RAMP3: variants seen among roughly 807,000 people sequenced by gnomAD.
RAMP3 encodes the protein receptor activity-modifying protein 3.
RAMP3 carries 14 observed loss-of-function variants against 13.5 expected under a neutral mutation model. That is an observed-to-expected ratio of 1.04 (90% CI 0.69 to 1.63). The LOEUF (loss-of-function observed/expected upper bound fraction) is 1.63. Ranked by LOEUF, RAMP3 falls within the 40% of genes most tolerant of loss-of-function variation. The pLI, the probability that RAMP3 is intolerant of heterozygous loss-of-function variation, is 0.00. For missense variants in RAMP3, 200 were observed against 204.8 expected, an observed-to-expected ratio of 0.98 and a Z score of 0.14; for synonymous variants, 106 against 88.3, an observed-to-expected ratio of 1.20 and a Z score of -1.12.
Position 45,177,367 on chromosome 7 carries a change from G to A in RAMP3, c.117G>A (p.Leu39=), listed in dbSNP as rs373191529. ...CAGGCATGTTGGAGAGGCTGCCCCT[G>A]TGTGGGAAGGCTTTCGCAGACATGA... ...NETGMLERLP[L]CGKAFADMMG... The change falls in exon 2 of 3, where the codon CTG becomes CTA. Residue 39 remains leucine (L), a synonymous_variant. Coordinates refer to ENST00000242249, the MANE Select transcript of RAMP3 (RefSeq NM_005856.3). The A allele has an allele frequency of 1.9e-6, 3 of 1,614,162 alleles. No homozygotes were observed. Among genetic ancestry groups the A allele is most frequent in the African/African-American group, 2.7e-5 (2 of 75,060 alleles).
At chr7:45,166,468 A>C (rs1223129986) in intron 1 of RAMP3, among the ~76,000 whole-genome samples, 3 of 152,194 alleles carry the variant, frequency 2.0e-5, no homozygotes, top group Non-Finnish European at 4.4e-5. Flanking sequence ...TTTTGTAGAA[A>C]TGACTATTCA....
At chr7:45,160,783 A>G (rs554979184) in intron 1 of RAMP3, among the ~76,000 whole-genome samples, 3 of 152,376 alleles carry the variant, frequency 2.0e-5, no homozygotes, top group African/African-American at 7.2e-5. Flanking sequence ...CAATGAAACC[A>G]ACCAAAATGG....
chr7:45,166,297 A>G (rs1270476196), intron 1 of RAMP3, among the ~76,000 whole-genome samples: 2 of 151,572 alleles, frequency 1.3e-5, no homozygotes, highest in East Asian at 3.9e-4. Context: ...AACCTCCCAA[A>G]TGTCTGGGGT....
chr7:45,179,338 C>A (rs1418149336), intron 2 of RAMP3, among the ~76,000 whole-genome samples: 1 of 145,238 alleles, frequency 6.9e-6, no homozygotes, highest in Non-Finnish European at 1.5e-5. Flanking sequence ...GTCTCATCAG[C>A]TCTCAGTCCC....
At chr7:45,179,763 C>T (rs1011774536) in intron 2 of RAMP3, among the ~76,000 whole-genome samples, 1 of 152,170 alleles carries the variant, frequency 6.6e-6, no homozygotes, top group Non-Finnish European at 1.5e-5. Context: ...AGGGCATGAG[C>T]TTGCAGCCGG....
At chr7:45,166,424 G>A (rs1209852073) in intron 1 of RAMP3, among the ~76,000 whole-genome samples, 1 of 152,128 alleles carries the variant, frequency 6.6e-6, no homozygotes, top group Non-Finnish European at 1.5e-5. Context: ...GATGTTGATT[G>A]TCTTTCATGT....
At chr7:45,160,403 C>T (rs57459747) in intron 1 of RAMP3, among the ~76,000 whole-genome samples, 14,365 of 140,244 alleles carry the variant, frequency 0.1, 1,086 homozygotes, top group East Asian at 0.45. Context: ...CAAGAAGAGG[C>T]CCATAGATTT....
Position 45,171,257 on chromosome 7 carries a change from G to A in RAMP3, c.59-6052G>A, listed in dbSNP as rs376606745. Among the ~76,000 whole-genome samples the A allele has an allele frequency of 6.6e-4, 101 of 151,968 alleles. 1 individual carries two copies. Among genetic ancestry groups the A allele is most frequent in the African/African-American group, 2.2e-3 (92 of 41,444 alleles). ...TGCAACCTCTGCCTCCTGGGTTCAA[G>A]CGATTCTCCTGCCTCAGCCTCCTGA... On this transcript the variant is annotated intron_variant, in intron 1 of 2. Transcript: ENST00000242249.
intron 1 of RAMP3, among the ~76,000 whole-genome samples, chr7:45,158,567 A>AAGAGAG (rs71030853): frequency 1.3e-5 from 2 of 150,526 alleles, no homozygotes; most frequent in African/African-American, 4.9e-5. Context: ...AAGAAAAAGT[A>AAGAGAG]AGAGAGAGAG....
At chr7:45,177,769 C>G (rs926493495) in intron 2 of RAMP3, among the ~76,000 whole-genome samples, 1 of 152,204 alleles carries the variant, frequency 6.6e-6, no homozygotes, top group Admixed American at 6.5e-5. Flanking sequence ...CTTCCTACCC[C>G]CCATTCCGCA....
At chr7:45,181,658 G>T (rs1369449581) in intron 2 of RAMP3, among the ~76,000 whole-genome samples, 1 of 152,212 alleles carries the variant, frequency 6.6e-6, no homozygotes. Context: ...CAGCTGGCGG[G>T]GGGTTGGGGT....
chr7:45,161,621 G>A (rs529070982), intron 1 of RAMP3, among the ~76,000 whole-genome samples: 1 of 151,114 alleles, frequency 6.6e-6, no homozygotes, highest in Admixed American at 6.6e-5. Flanking sequence ...GAGAGGAGAG[G>A]AAACAGGGGA....
At chr7:45,170,321 CT>C (rs1164197139) in intron 1 of RAMP3, among the ~76,000 whole-genome samples, 1 of 133,396 alleles carries the variant, frequency 7.5e-6, no homozygotes, top group Non-Finnish European at 1.7e-5. Context: ...TGAGATCTTT[CT>C]TCTTTATTAT....
chr7:45,160,528 G>A (rs993925131), intron 1 of RAMP3, among the ~76,000 whole-genome samples: 8 of 151,834 alleles, frequency 5.3e-5, no homozygotes, highest in Non-Finnish European at 1.0e-4. Flanking sequence ...GAGACCAGGG[G>A]CAGAACCGCC....
chr7:45,173,008 G>A (rs866109100), intron 1 of RAMP3, among the ~76,000 whole-genome samples: 1 of 152,160 alleles, frequency 6.6e-6, no homozygotes, highest in South Asian at 2.1e-4. Context: ...AGTTATTTCT[G>A]GTTCACCTAC....
At chr7:45,176,717 TC>T in intron 1 of RAMP3, among the ~76,000 whole-genome samples, 1 of 152,046 alleles carries the variant, frequency 6.6e-6, no homozygotes, top group Middle Eastern at 3.4e-3. Flanking sequence ...AGTGGGGAAA[TC>T]CTGGGACAAG....
At chr7:45,165,044 A>C (rs2128655638) in intron 1 of RAMP3, among the ~76,000 whole-genome samples, 1 of 152,178 alleles carries the variant, frequency 6.6e-6, no homozygotes, top group Admixed American at 6.5e-5. Context: ...TTTTGGACTT[A>C]GTATTTATTA....
intron 2 of RAMP3, among the ~76,000 whole-genome samples, chr7:45,178,254 GT>G (rs1786233057): frequency 6.6e-6 from 1 of 152,042 alleles, no homozygotes; most frequent in Admixed American, 6.5e-5. Context: ...GTGAAGGGAG[GT>G]CCCCTTGTTC....
At chr7:45,180,125 G>T (rs1024574468) in intron 2 of RAMP3, among the ~76,000 whole-genome samples, 1 of 152,272 alleles carries the variant, frequency 6.6e-6, no homozygotes, top group African/African-American at 2.4e-5. Flanking sequence ...GCGGCTGTGC[G>T]CCAAGGTGTG....
Sources: allele counts gnomAD v4.1 joint callset (sites outside exome capture counted in the v4.1 genomes callset), GRCh38; gene constraint gnomAD v4.1.1; transcripts MANE v1.5; gene names NCBI Gene and HGNC (gene_info 2026-07-23, HGNC 2026-07-21).